The following ZFAND3 variants were observed in gnomAD, a reference collection of about 807,000 sequenced individuals.
The protein encoded by ZFAND3 is AN1-type zinc finger protein 3.
Under a neutral mutation model 29.6 loss-of-function variants are expected in ZFAND3, and 10 were observed. That is an observed-to-expected ratio of 0.34 (90% CI 0.21 to 0.57). ZFAND3 has a LOEUF of 0.57. ZFAND3 is among the 20% of genes least tolerant of loss of function. The probability of loss-of-function intolerance (pLI) is 0.86; values close to 1 mark genes in which losing one functional copy is unlikely to be tolerated. For missense variants in ZFAND3, 230 were observed against 304.5 expected, an observed-to-expected ratio of 0.76 and a Z score of 1.82; for synonymous variants, 128 against 112.6, an observed-to-expected ratio of 1.14 and a Z score of -0.87.
intron 1 of ZFAND3, among the ~76,000 whole-genome samples, chr6:37,830,329 G>A (rs188088136): frequency 6.6e-6 from 1 of 152,324 alleles, no homozygotes; most frequent in African/African-American, 2.4e-5. Flanking sequence ...GTTGCTTTGT[G>A]GCCACCATCG....
At chr6:38,056,007 G>T (rs1230614442) in intron 2 of ZFAND3, among the ~76,000 whole-genome samples, 1 of 152,204 alleles carries the variant, frequency 6.6e-6, no homozygotes, top group Non-Finnish European at 1.5e-5. Context: ...ATATACCATA[G>T]TAAGTCTTGT....
At chr6:38,001,913 T>C (rs1167161981) in intron 2 of ZFAND3, among the ~76,000 whole-genome samples, 2 of 151,922 alleles carry the variant, frequency 1.3e-5, no homozygotes, top group Non-Finnish European at 1.5e-5. Context: ...TCTTTTAGTC[T>C]TTTCTTTTAG....
At chr6:37,845,299 T>C (rs995140742) in intron 1 of ZFAND3, among the ~76,000 whole-genome samples, 22 of 152,224 alleles carry the variant, frequency 1.4e-4, no homozygotes, top group Non-Finnish European at 2.8e-4. Flanking sequence ...GGTGTTATAA[T>C]GTGTTATATA....
At chr6:38,088,136 A>G (rs1764793786) in intron 4 of ZFAND3, among the ~76,000 whole-genome samples, 2 of 152,234 alleles carry the variant, frequency 1.3e-5, no homozygotes, top group Non-Finnish European at 1.5e-5. Flanking sequence ...CAACAGATGA[A>G]TGGATAAAGA....
rs1764843297 is a variant in ZFAND3, at chr6:37,879,035, A to C, written c.72-50924A>C. Among the ~76,000 whole-genome samples, 3 of 152,198 alleles carry C rather than the reference A, an allele frequency of 2.0e-5. No homozygotes were observed. In the South Asian group the frequency reaches 6.2e-4, roughly 32 times the overall value. On this transcript the variant is annotated intron_variant, in intron 1 of 5. Transcript: ENST00000287218. Reference sequence around the variant, plus strand: ...TTCTTGGTCACAACTGGAGTCAGGAATCTCAGAGGAAGAGCCCCTTATCCC... The same window carrying C: ...TTCTTGGTCACAACTGGAGTCAGGACTCTCAGAGGAAGAGCCCCTTATCCC...
intron 1 of ZFAND3, among the ~76,000 whole-genome samples, chr6:37,846,901 TG>T (rs2127377256): frequency 6.6e-6 from 1 of 151,886 alleles, no homozygotes; most frequent in Admixed American, 6.6e-5. Context: ...TTAATAGAGA[TG>T]GGGTTTCACC....
intron 2 of ZFAND3, among the ~76,000 whole-genome samples, chr6:37,993,819 T>G (rs1561959220): frequency 6.6e-6 from 1 of 152,244 alleles, no homozygotes; most frequent in African/African-American, 2.4e-5. Context: ...TGATAATGAT[T>G]GGCTTAAATG....
intron 1 of ZFAND3, among the ~76,000 whole-genome samples, chr6:37,824,962 A>G (rs1019716279): frequency 4.6e-5 from 7 of 152,188 alleles, no homozygotes; most frequent in Non-Finnish European, 7.3e-5. Flanking sequence ...AAAACATAAC[A>G]TGATTTGTTT....
intron 1 of ZFAND3, among the ~76,000 whole-genome samples, chr6:37,912,831 A>C (rs1459414070): frequency 6.6e-6 from 1 of 152,206 alleles, no homozygotes; most frequent in Admixed American, 6.5e-5. Flanking sequence ...GAAATTTAGT[A>C]ATTCTCTTAA....
intron 1 of ZFAND3, among the ~76,000 whole-genome samples, chr6:37,915,127 C>T (rs1038452044): frequency 6.6e-6 from 1 of 151,968 alleles, no homozygotes; most frequent in Non-Finnish European, 1.5e-5. Flanking sequence ...GAGATGGCTT[C>T]TTTTTTTTAA....
intron 2 of ZFAND3, among the ~76,000 whole-genome samples, chr6:37,943,777 C>G (rs1761852596): frequency 1.3e-5 from 2 of 152,050 alleles, no homozygotes; most frequent in Non-Finnish European, 2.9e-5. Flanking sequence ...CTTTTCTTAC[C>G]AAAACACTGG....
At chr6:37,862,798 A>T (rs1370764711) in intron 1 of ZFAND3, among the ~76,000 whole-genome samples, 1 of 151,954 alleles carries the variant, frequency 6.6e-6, no homozygotes, top group South Asian at 2.1e-4. Flanking sequence ...CCACGTATTC[A>T]TGTCAGTTCA....
At chr6:38,047,488 A>G (rs1274335258) in intron 2 of ZFAND3, among the ~76,000 whole-genome samples, 1 of 152,170 alleles carries the variant, frequency 6.6e-6, no homozygotes, top group African/African-American at 2.4e-5. Context: ...GTTTAATAAG[A>G]TTACTCAAAA....
intron 1 of ZFAND3, among the ~76,000 whole-genome samples, chr6:37,894,896 A>G (rs1765171255): frequency 6.6e-6 from 1 of 152,186 alleles, no homozygotes; most frequent in African/African-American, 2.4e-5. Flanking sequence ...TCGTTTATAT[A>G]TAATGTGATT....
At chr6:38,151,407 CCT>C (rs1766221749) in intron 5 of ZFAND3, among the ~76,000 whole-genome samples, 1 of 152,106 alleles carries the variant, frequency 6.6e-6, no homozygotes, top group Non-Finnish European at 1.5e-5. Flanking sequence ...GGCATCTCAA[CCT>C]CTCTCACCTA....
intron 3 of ZFAND3, among the ~76,000 whole-genome samples, chr6:38,070,261 T>TA (rs1191417355): frequency 6.6e-6 from 1 of 152,014 alleles, no homozygotes; most frequent in African/African-American, 2.4e-5. Context: ...CCACCTCTAC[T>TA]AAAAATACAA....
At chr6:37,980,684 C>G (rs1487811715) in intron 2 of ZFAND3, among the ~76,000 whole-genome samples, 3 of 152,044 alleles carry the variant, frequency 2.0e-5, no homozygotes, top group African/African-American at 7.2e-5. Context: ...TATGCCCTGC[C>G]CTATTAGCAA....
intron 2 of ZFAND3, among the ~76,000 whole-genome samples, chr6:38,051,326 AG>A (rs1490248488): frequency 2.6e-5 from 4 of 152,198 alleles, no homozygotes; most frequent in Non-Finnish European, 4.4e-5. Context: ...TGATCTAAAA[AG>A]GGGGGTGCTA....
intron 1 of ZFAND3, among the ~76,000 whole-genome samples, chr6:37,879,044 G>T (rs1201039150): frequency 1.3e-5 from 2 of 152,186 alleles, no homozygotes; most frequent in African/African-American, 4.8e-5. Context: ...AATCTCAGAG[G>T]AAGAGCCCCT....
Sources: allele counts gnomAD v4.1 joint callset (sites outside exome capture counted in the v4.1 genomes callset), GRCh38; gene constraint gnomAD v4.1.1; transcripts MANE v1.5; gene names NCBI Gene and HGNC (gene_info 2026-07-23, HGNC 2026-07-21).